Variants in COL23A1 observed in about 807,000 individuals in gnomAD.
COL23A1 encodes the protein collagen type XXIII alpha 1 chain.
COL23A1 carries 97 observed loss-of-function variants against 99.3 expected under a neutral mutation model. The observed-to-expected ratio is 0.98, with a 90% CI of 0.83 to 1.16. The LOEUF is 1.16. Among genes scored for constraint, COL23A1 ranks in the 50% most tolerant of loss-of-function variants. The pLI is 0.00. For missense variants in COL23A1, 762 were observed against 757.4 expected (o/e 1.01, Z -0.07); for synonymous variants, 320 against 308.2 (o/e 1.04, Z -0.40).
chr5:178,524,106 C>G (rs1760174313), intron 2 of COL23A1, among the ~76,000 whole-genome samples: 1 of 152,166 alleles, frequency 6.6e-6, no homozygotes. Flanking sequence ...GTCACGCTAG[C>G]TTAAATAACA....
At chr5:178,554,602 T>A (rs1237348997) in intron 2 of COL23A1, among the ~76,000 whole-genome samples, 1 of 152,210 alleles carries the variant, frequency 6.6e-6, no homozygotes, top group Non-Finnish European at 1.5e-5. Flanking sequence ...GCTATATTCG[T>A]TCTCTCTTCT....
intron 5 of COL23A1, among the ~76,000 whole-genome samples, chr5:178,273,278 G>A (rs955867793): frequency 6.6e-6 from 1 of 152,196 alleles, no homozygotes; most frequent in African/African-American, 2.4e-5. Flanking sequence ...AGTGTCCACC[G>A]ACTGGACCTT....
chr5:178,497,813 T>C (rs1004598930), intron 2 of COL23A1, among the ~76,000 whole-genome samples: 2 of 152,058 alleles, frequency 1.3e-5, no homozygotes, highest in Non-Finnish European at 2.9e-5. Context: ...TTACCAAGAA[T>C]GCAATTTTAT....
chr5:178,462,964 T>A (rs1014771639), intron 2 of COL23A1, among the ~76,000 whole-genome samples: 4 of 152,246 alleles, frequency 2.6e-5, no homozygotes, highest in African/African-American at 9.6e-5. Flanking sequence ...TTATTTGGAA[T>A]AATTAGCAAA....
intron 2 of COL23A1, among the ~76,000 whole-genome samples, chr5:178,394,957 C>T (rs540922707): frequency 1.4e-5 from 1 of 70,606 alleles, no homozygotes; most frequent in South Asian, 6.6e-4. Context: ...CAGCTCCAAA[C>T]GTCCAGGCTT....
chr5:178,575,616 TG>T (rs879505979), intron 1 of COL23A1, among the ~76,000 whole-genome samples: 3 of 152,000 alleles, frequency 2.0e-5, no homozygotes, highest in African/African-American at 4.8e-5. Flanking sequence ...GTGGCAAAGC[TG>T]GAACTAAAAA....
intron 1 of COL23A1, among the ~76,000 whole-genome samples, chr5:178,577,394 C>A (rs1763430165): frequency 6.6e-6 from 1 of 152,238 alleles, no homozygotes; most frequent in Non-Finnish European, 1.5e-5. Flanking sequence ...AGGGCGGCCG[C>A]ATCCGGAGGC....
chr5:178,238,620 C>G lies in COL23A1; in HGVS notation c.*78G>C. The G allele has an allele frequency of 6.4e-7, 1 of 1,564,328 alleles. No homozygotes were observed. Among genetic ancestry groups the G allele is most frequent in the Non-Finnish European group, 8.8e-7 (1 of 1,137,950 alleles). ...GGTAGCGCATTCCATGAAAAAAGAT[C>G]AATATATTACTGTTTTGTTTTTACA... On this transcript the variant is annotated 3_prime_UTR_variant, in exon 29 of 29. Transcript: ENST00000390654.
intron 18 of COL23A1, 146 bp downstream of exon 18, chr5:178,249,915 G>A (rs1764938434): frequency 9.1e-7 from 1 of 1,103,204 alleles, no homozygotes; most frequent in African/African-American, 1.6e-5. Context: ...CAGGCAGCCT[G>A]GTGCCAAAAT....
chr5:178,382,520 G>C (rs990985923), intron 2 of COL23A1, among the ~76,000 whole-genome samples: 1 of 152,204 alleles, frequency 6.6e-6, no homozygotes, highest in Non-Finnish European at 1.5e-5. Flanking sequence ...CGGGACCTGA[G>C]GGTAGGCGAC....
At chr5:178,475,435 C>T (rs1756976165) in intron 2 of COL23A1, among the ~76,000 whole-genome samples, 3 of 152,132 alleles carry the variant, frequency 2.0e-5, no homozygotes, top group Admixed American at 1.3e-4. Context: ...CAGGCAGAGA[C>T]CCCGAGGCAG....
At chr5:178,263,568 C>T (rs1214685530) in intron 8 of COL23A1, among the ~76,000 whole-genome samples, 1 of 152,172 alleles carries the variant, frequency 6.6e-6, no homozygotes, top group Non-Finnish European at 1.5e-5. Context: ...GCCAGCTCTC[C>T]AGCGCCTGAA....
chr5:178,534,972 CTTTT>C (rs35460582), intron 2 of COL23A1, among the ~76,000 whole-genome samples: 1 of 130,082 alleles, frequency 7.7e-6, no homozygotes, highest in African/African-American at 2.9e-5. Context: ...TTTCCTTTTT[CTTTT>C]TTTTTTTTTT....
chr5:178,552,746 A>G (rs929256588), intron 2 of COL23A1, among the ~76,000 whole-genome samples: 2 of 150,474 alleles, frequency 1.3e-5, no homozygotes, highest in African/African-American at 2.4e-5. Context: ...ACAGAGTCTC[A>G]CTCTGTCGCC....
At chr5:178,331,051 G>A (rs771301799) in intron 2 of COL23A1, among the ~76,000 whole-genome samples, 1 of 152,226 alleles carries the variant, frequency 6.6e-6, no homozygotes, top group African/African-American at 2.4e-5. Flanking sequence ...CCCAGTGCCT[G>A]GCATACAGTA....
intron 2 of COL23A1, among the ~76,000 whole-genome samples, chr5:178,559,790 G>A (rs541866226): frequency 1.8e-4 from 24 of 135,306 alleles, no homozygotes; most frequent in Non-Finnish European, 2.1e-4. Context: ...CCTGCACATC[G>A]AGAAGTCTGA....
At chr5:178,284,684 T>C (rs1408300666) in intron 5 of COL23A1, among the ~76,000 whole-genome samples, 1 of 152,206 alleles carries the variant, frequency 6.6e-6, no homozygotes, top group Non-Finnish European at 1.5e-5. Flanking sequence ...AAATGATATA[T>C]CGGATCAAAT....
intron 2 of COL23A1, among the ~76,000 whole-genome samples, chr5:178,488,060 A>G (rs1263599547): frequency 1.3e-5 from 2 of 152,220 alleles, no homozygotes; most frequent in African/African-American, 2.4e-5. Flanking sequence ...TGTGAGAATG[A>G]TGAGAATAAT....
chr5:178,374,577 A>G (rs1465727592), intron 2 of COL23A1, among the ~76,000 whole-genome samples: 1 of 152,202 alleles, frequency 6.6e-6, no homozygotes, highest in Admixed American at 6.5e-5. Context: ...TGAAATGAGA[A>G]CAGCACCTAC....
Sources: gnomAD v4.1 joint callset for allele counts (sites outside exome capture counted in the v4.1 genomes callset) on GRCh38, gnomAD v4.1.1 for gene constraint, MANE v1.5 for transcripts, NCBI Gene and HGNC (gene_info 2026-07-23, HGNC 2026-07-21) for gene names.